The following CNN1 variants were observed in gnomAD, a reference collection of about 807,000 sequenced individuals.
CNN1 encodes the protein calponin-1.
CNN1 carries 21 observed loss-of-function variants against 35.3 expected under a neutral mutation model. The observed-to-expected ratio is 0.60, with a 90% CI of 0.42 to 0.86. The LOEUF is 0.86. Ranked by LOEUF, CNN1 falls within the 40% of genes least tolerant of loss-of-function variation. The probability of loss-of-function intolerance (pLI) is 0.00; values close to 1 mark genes in which losing one functional copy is unlikely to be tolerated. For missense variants in CNN1, 314 were observed against 400.8 expected, an observed-to-expected ratio of 0.78 and a Z score of 1.85; for synonymous variants, 164 against 161.8, an observed-to-expected ratio of 1.01 and a Z score of -0.10.
At chr19:11,545,332 G>A (rs1037627729) in intron 2 of CNN1, among the ~76,000 whole-genome samples, 28 of 151,844 alleles carry the variant, frequency 1.8e-4, no homozygotes, top group African/African-American at 5.8e-4. Context: ...TGGAGGTGGC[G>A]GGGAGCAGTG....
intron 5 of CNN1, among the ~76,000 whole-genome samples, chr19:11,548,797 G>A (rs565562548): frequency 6.3e-5 from 9 of 143,832 alleles, no homozygotes; most frequent in South Asian, 4.5e-4. Flanking sequence ...AGATTGTGCC[G>A]CTGCACTCCA....
chr19:11,541,589 TTTTC>T (rs1972463278), intron 2 of CNN1, among the ~76,000 whole-genome samples: 1 of 151,968 alleles, frequency 6.6e-6, no homozygotes, highest in Admixed American at 6.6e-5. Context: ...TTTCTTTCTG[TTTTC>T]TTTTTGTTTT....
intron 1 of CNN1, chr19:11,539,420 G>A (rs1972409514): frequency 1.9e-6 from 2 of 1,070,440 alleles, no homozygotes; most frequent in Non-Finnish European, 1.1e-6. Context: ...AGAGGGGGAC[G>A]GTGAAAGGCA....
rs769711220 is a variant in CNN1 at position 11,541,143 on chromosome 19, G to A, written c.131G>A (p.Arg44His). 2.5e-6 allele frequency: 4 copies of A among 1,607,474 alleles called. No homozygotes were observed. Among genetic ancestry groups the A allele is most frequent in the African/African-American group, 1.3e-5 (1 of 74,516 alleles). ...LREWIEGVTG[R>H]RIGNNFMDGL... Reference sequence around the variant, plus strand: ...GAGTGGATCGAGGGGGTGACAGGCCGTCGCATCGGCAACAACTTCATGGAC... The same window carrying A: ...GAGTGGATCGAGGGGGTGACAGGCCATCGCATCGGCAACAACTTCATGGAC... The change falls in exon 2 of 7, where the codon CGT (arginine) becomes CAT (histidine). Residue 44 changes from arginine to histidine, a missense_variant. Coordinates refer to ENST00000252456, the MANE Select transcript of CNN1 (RefSeq NM_001299.6).
chr19:11,539,933 C>T, intron 1 of CNN1: 1 of 1,109,104 alleles, frequency 9.0e-7, no homozygotes, highest in East Asian at 1.0e-4. Context: ...TATAAGGCGG[C>T]CTCGGGGAGC....
chr19:11,547,257 C>T (rs1001634838), intron 4 of CNN1, among the ~76,000 whole-genome samples: 3 of 151,894 alleles, frequency 2.0e-5, no homozygotes, highest in Admixed American at 6.6e-5. Context: ...ATTAGCTGGA[C>T]GTGGTGACGC....
intron 2 of CNN1, among the ~76,000 whole-genome samples, chr19:11,543,675 C>T (rs113093441): frequency 0.08 from 11,720 of 146,630 alleles, 1,005 homozygotes; most frequent in African/African-American, 0.22. Context: ...CCCAGCTACT[C>T]GGGAGGCTGA....
At chr19:11,548,645 C>G (rs763702623) in intron 5 of CNN1, among the ~76,000 whole-genome samples, 1 of 152,098 alleles carries the variant, frequency 6.6e-6, no homozygotes, top group Non-Finnish European at 1.5e-5. Context: ...CAAGGCCAGC[C>G]TGGCCAACGT....
rs1218550955 is a variant in CNN1 at position 11,550,206 on chromosome 19, C to CA, written c.*412dup. The CA allele has an allele frequency of 3.7e-5, 7 of 188,590 alleles. No homozygotes were observed. The highest frequency in any genetic ancestry group is 7.6e-5 in the Non-Finnish European group (7 of 92,246). The allele number at this position is 188,590 out of a possible 1,614,324, so 11.7% of individuals were successfully genotyped here. A position where few individuals can be genotyped will look rare whatever the true frequency, so the allele number is the denominator to read the frequency against. On this transcript the variant is annotated 3_prime_UTR_variant, in exon 7 of 7. Coordinates refer to ENST00000252456, the MANE Select transcript of CNN1 (RefSeq NM_001299.6). ...TGCATGCCCAGAGACCCAGCGGACA[C>CA]ACGCGGTTTGGTTTGCAGCGACTGG...
intron 1 of CNN1, chr19:11,539,730 G>C (rs1472549348): frequency 1.1e-6 from 1 of 871,270 alleles, no homozygotes; most frequent in Non-Finnish European, 1.6e-6. Context: ...CTGAGGCTCA[G>C]GGTGGCTTTT....
chr19:11,539,874 C>T (rs368941391), intron 1 of CNN1: 9 of 1,164,722 alleles, frequency 7.7e-6, no homozygotes, highest in Non-Finnish European at 9.7e-6. Flanking sequence ...CTCCTCCCCC[C>T]CAGCGCCGGC....
chr19:11,547,760 C>A (rs1441576764), intron 4 of CNN1, 37 bp from the exon 5 acceptor site: 4 of 1,552,698 alleles, frequency 2.6e-6, no homozygotes, highest in Non-Finnish European at 3.5e-6. Context: ...AGCCTGGAGG[C>A]CCCCTTGTCA....
intron 1 of CNN1, 181 bp downstream of exon 1, chr19:11,539,171 A>G (rs1430293935): frequency 1.8e-6 from 2 of 1,140,272 alleles, no homozygotes; most frequent in South Asian, 2.3e-5. Flanking sequence ...GCCCCCAGCT[A>G]TGGTTGGGGC....
chr19:11,542,487 C>A (rs1972488065), intron 2 of CNN1, among the ~76,000 whole-genome samples: 1 of 152,044 alleles, frequency 6.6e-6, no homozygotes, highest in South Asian at 2.1e-4. Context: ...ACCACTGCAC[C>A]CTGCCGGCCC....
chr19:11,548,027 A>T (rs911946869), intron 5 of CNN1, 120 bp downstream of exon 5: 1 of 649,252 alleles, frequency 1.5e-6, no homozygotes, highest in Non-Finnish European at 2.5e-6. Context: ...TACTGTGCTT[A>T]TGCTCATCTT....
At chr19:11,541,031 A>G (rs1050631452) in intron 1 of CNN1, 45 bp from the exon 2 acceptor site, 31 of 1,551,854 alleles carry the variant, frequency 2.0e-5, no homozygotes, top group Middle Eastern at 1.9e-4. Flanking sequence ...CCCCCAATGC[A>G]TCCTCACCCC....
chr19:11,539,897 C>T (rs1972420577), intron 1 of CNN1: 1 of 1,139,982 alleles, frequency 8.8e-7, no homozygotes, highest in Non-Finnish European at 1.1e-6. Context: ...CAGAGCCGCG[C>T]AGAGCCGCGC....
Position 11,549,465 on chromosome 19 carries a change from G to C in CNN1, c.644G>C (p.Ser215Thr). 6.2e-7 allele frequency: 1 copy of C among 1,613,850 alleles called. No homozygotes were observed. The highest frequency in any genetic ancestry group is 8.5e-7 in the Non-Finnish European group (1 of 1,179,904). ...CAGATGGGCACCAACAAAGGAGCCAGCCAGGTGAGTGGGGGCCCCCGGGAC... is the reference window on the plus strand; with the variant it reads ...CAGATGGGCACCAACAAAGGAGCCACCCAGGTGAGTGGGGGCCCCCGGGAC... ...SLQMGTNKGA[S>T]QAGMTAPGTK... is the part of the protein sequence containing the mutation. The change falls in exon 6 of 7, where the codon AGC becomes ACC. Residue 215 changes from serine (S) to threonine (T), a missense_variant. Coordinates refer to ENST00000252456, the MANE Select transcript of CNN1 (RefSeq NM_001299.6). The surrounding 1 kb of genome is among the most constrained non-coding windows in gnomAD (Gnocchi z 5.2).
At chr19:11,548,796 C>T (rs889276831) in intron 5 of CNN1, among the ~76,000 whole-genome samples, 5 of 151,556 alleles carry the variant, frequency 3.3e-5, no homozygotes, top group East Asian at 1.9e-4. Flanking sequence ...AAGATTGTGC[C>T]GCTGCACTCC....
Sources: gnomAD v4.1 joint callset for allele counts (sites outside exome capture counted in the v4.1 genomes callset) on GRCh38, gnomAD v4.1.1 for gene constraint, Gnocchi (gnomAD v3.1) non-coding constraint, MANE v1.5 for transcripts, NCBI Gene and HGNC (gene_info 2026-07-23, HGNC 2026-07-21) for gene names.